The following EHBP1 variants were observed in gnomAD, a reference collection of about 807,000 sequenced individuals.
The protein encoded by EHBP1 is EH domain-binding protein 1.
EHBP1 carries 55 observed loss-of-function variants against 144.0 expected under a neutral mutation model. The ratio of observed to expected loss-of-function variants is 0.38; its 90% CI spans 0.31 to 0.48. The LOEUF (loss-of-function observed/expected upper bound fraction) is 0.48. Among genes scored for constraint, EHBP1 ranks in the 20% least tolerant of loss-of-function variants. EHBP1 has a pLI of 0.98. For missense variants in EHBP1, 1,200 were observed against 1,364.2 expected (o/e 0.88, Z 1.90); for synonymous variants, 469 against 472.7 (o/e 0.99, Z 0.10).
At chr2:62,730,864 AGACAGG>A (rs1398864724) in intron 2 of EHBP1, among the ~76,000 whole-genome samples, 3 of 143,366 alleles carry the variant, frequency 2.1e-5, no homozygotes, top group South Asian at 2.3e-4. Context: ...ACAGACAGGC[AGACAGG>A]CAGGCAGAGA....
intron 10 of EHBP1, among the ~76,000 whole-genome samples, chr2:62,929,515 T>C (rs2055812501): frequency 6.6e-6 from 1 of 152,168 alleles, no homozygotes; most frequent in South Asian, 2.1e-4. Context: ...TTTGATAGAA[T>C]TCTATACCCT....
chr2:62,813,903 G>A (rs1436730605), intron 5 of EHBP1, among the ~76,000 whole-genome samples: 1 of 152,192 alleles, frequency 6.6e-6, no homozygotes, highest in Non-Finnish European at 1.5e-5. Flanking sequence ...TTCACATCTG[G>A]AGAGGAATTT....
chr2:62,948,439 T>G lies in EHBP1; in HGVS notation c.1593T>G (p.Tyr531Ter). The change falls in exon 13 of 23, where the codon TAT becomes TAG. Residue 531 changes from tyrosine (Y) to a stop codon, truncating the protein, a stop_gained. Transcript: ENST00000431489. LOFTEE classifies it high-confidence loss of function. ...QIEENSSKST[Y>*]KVGNYETDTN... is the part of the protein sequence containing the mutation. Reference sequence around the variant, plus strand: ...AGGAAAACAGCAGTAAAAGCACATATAAAGTTGGAAACTATGAAACAGATA... The same window carrying G: ...AGGAAAACAGCAGTAAAAGCACATAGAAAGTTGGAAACTATGAAACAGATA... 1 of 1,613,630 alleles carries G rather than the reference T, an allele frequency of 6.2e-7. No individual in the cohort carries two copies. Among genetic ancestry groups the G allele is most frequent in the Non-Finnish European group, 8.5e-7 (1 of 1,179,780 alleles).
chr2:62,719,830 T>G (rs1312495494), intron 2 of EHBP1, among the ~76,000 whole-genome samples: 3 of 152,224 alleles, frequency 2.0e-5, no homozygotes, highest in African/African-American at 7.2e-5. Context: ...TGTCAGGGAC[T>G]TGAGCATCCT....
At chr2:62,710,205 TTAAG>T (rs1023779806) in intron 2 of EHBP1, among the ~76,000 whole-genome samples, 1 of 152,160 alleles carries the variant, frequency 6.6e-6, no homozygotes, top group African/African-American at 2.4e-5. Flanking sequence ...TTACAGGTGT[TTAAG>T]TAAACTGTAT....
intron 19 of EHBP1, among the ~76,000 whole-genome samples, chr2:63,021,252 G>C (rs7588998): frequency 1.3e-5 from 2 of 151,590 alleles, no homozygotes; most frequent in Non-Finnish European, 2.9e-5. Flanking sequence ...CTCTCCCCCA[G>C]CCCCCCAGAA....
chr2:62,883,554 A>G (rs1035456667), intron 10 of EHBP1, among the ~76,000 whole-genome samples: 22 of 152,174 alleles, frequency 1.4e-4, no homozygotes, highest in Non-Finnish European at 1.0e-4. Flanking sequence ...GGTGAAACCC[A>G]ACTGAAAAAT....
chr2:62,813,266 G>T (rs2045170237), intron 5 of EHBP1, among the ~76,000 whole-genome samples: 1 of 145,408 alleles, frequency 6.9e-6, no homozygotes, highest in Non-Finnish European at 1.6e-5. Flanking sequence ...CAACCGGTAG[G>T]CCTTAGTGGC....
intron 7 of EHBP1, among the ~76,000 whole-genome samples, chr2:62,838,650 A>G (rs1176985492): frequency 6.6e-6 from 1 of 151,154 alleles, no homozygotes; most frequent in Non-Finnish European, 1.5e-5. Flanking sequence ...AAAAAATGAT[A>G]AAGGGGATAT....
At chr2:62,695,689 A>G (rs2034061903) in intron 1 of EHBP1, among the ~76,000 whole-genome samples, 1 of 152,218 alleles carries the variant, frequency 6.6e-6, no homozygotes, top group Non-Finnish European at 1.5e-5. Context: ...ATCTAAAACT[A>G]CAATTATACA....
chr2:62,875,636 A>G (rs1454583962), intron 10 of EHBP1, among the ~76,000 whole-genome samples: 1 of 152,236 alleles, frequency 6.6e-6, no homozygotes, highest in East Asian at 1.9e-4. Flanking sequence ...ATACTTAACC[A>G]GGCCAAAATG....
chr2:62,862,871 T>G (rs1253224614), intron 8 of EHBP1, among the ~76,000 whole-genome samples: 1 of 152,174 alleles, frequency 6.6e-6, no homozygotes, highest in African/African-American at 2.4e-5. Flanking sequence ...TCTTAGACAG[T>G]TTTATTACAA....
chr2:62,775,184 T>C (rs901879553), intron 5 of EHBP1, among the ~76,000 whole-genome samples: 2 of 152,176 alleles, frequency 1.3e-5, no homozygotes, highest in African/African-American at 4.8e-5. Flanking sequence ...ATGAAATGAA[T>C]ATTGTAAGGT....
intron 3 of EHBP1, among the ~76,000 whole-genome samples, chr2:62,763,078 C>T (rs1192293648): frequency 6.6e-6 from 1 of 152,120 alleles, no homozygotes; most frequent in Non-Finnish European, 1.5e-5. Context: ...TCCCTAGATA[C>T]CTCTTTTCAT....
chr2:62,986,564 T>A (rs1021612924), intron 15 of EHBP1, among the ~76,000 whole-genome samples: 1 of 151,102 alleles, frequency 6.6e-6, no homozygotes, highest in African/African-American at 2.4e-5. Flanking sequence ...TGCCTCAGCC[T>A]CGTAGCTGGG....
intron 2 of EHBP1, among the ~76,000 whole-genome samples, chr2:62,742,081 A>T (rs1393861785): frequency 6.6e-6 from 1 of 152,174 alleles, no homozygotes. Context: ...AACATGCTGT[A>T]CAGGTTTCTA....
rs779080782 is a variant in EHBP1, at chr2:62,771,353, A to G, written c.273A>G (p.Glu91=). ...TTTTGTTACAGGATCCTCATGCGGA[A>G]GAATTTGAAGACAAAGAGTGGACAT... ...TVTLFKDPHA[E]EFEDKEWTFV... is the part of the protein sequence containing the mutation. Residue 91 remains glutamate (E), a synonymous_variant, in exon 5 of 23, where the codon GAA becomes GAG. Coordinates refer to ENST00000431489, the MANE Select transcript of EHBP1 (RefSeq NM_001142616.3). 7 of 1,593,378 alleles carry G rather than the reference A, an allele frequency of 4.4e-6. No individual in the cohort carries two copies. The African/African-American group carries it at 9.4e-5, about 21-fold the overall frequency.
intron 2 of EHBP1, among the ~76,000 whole-genome samples, chr2:62,744,012 T>C (rs917179730): frequency 1.3e-5 from 2 of 152,068 alleles, no homozygotes; most frequent in Admixed American, 6.6e-5. Context: ...GGAGATAGGA[T>C]AGAAGGTGTT....
In EHBP1 at chr2:62,999,280, G is replaced by A. The variant is rs112300733; in HGVS notation, c.3103+2514G>A. Reference sequence around the variant, plus strand: ...CAAATATACTTTATCTGCTATTTCAGTTTTTATATACTTGTAGATACTGAC... The same window carrying A: ...CAAATATACTTTATCTGCTATTTCAATTTTTATATACTTGTAGATACTGAC... On this transcript the variant is annotated intron_variant, in intron 19 of 22. Transcript: ENST00000431489. Among the ~76,000 whole-genome samples, 168 of 151,996 alleles carry A rather than the reference G, an allele frequency of 1.1e-3. 1 individual carries two copies. Among genetic ancestry groups the A allele is most frequent in the Non-Finnish European group, 1.9e-3 (132 of 67,992 alleles).
Sources: gnomAD v4.1 joint callset for allele counts (sites outside exome capture counted in the v4.1 genomes callset) on GRCh38, gnomAD v4.1.1 for gene constraint, MANE v1.5 for transcripts, NCBI Gene and HGNC (gene_info 2026-07-23, HGNC 2026-07-21) for gene names.